The following NDE1 variants were observed in gnomAD, a reference collection of about 807,000 sequenced individuals.
NDE1 encodes nuclear distribution protein nudE homolog 1.
Under a neutral mutation model 43.4 loss-of-function variants are expected in NDE1, and 28 were observed. The observed-to-expected ratio is 0.65, with a 90% CI of 0.48 to 0.89. The LOEUF is 0.89. Ranked by LOEUF, NDE1 falls within the 40% of genes least tolerant of loss-of-function variation. The probability of loss-of-function intolerance (pLI) is 0.00; values close to 1 mark genes in which losing one functional copy is unlikely to be tolerated. For synonymous variants in NDE1, 184 were observed against 172.0 expected, an observed-to-expected ratio of 1.07 and a Z score of -0.55; for missense variants, 441 against 434.1, an observed-to-expected ratio of 1.02 and a Z score of -0.14.
chr16:15,709,523 C>T (rs1235983919), intron 8 of NDE1, among the ~76,000 whole-genome samples: 3 of 152,100 alleles, frequency 2.0e-5, no homozygotes, highest in Admixed American at 6.6e-5. Context: ...CCATGTTGGC[C>T]ATGCTGGTCT....
intron 6 of NDE1, among the ~76,000 whole-genome samples, chr16:15,693,871 C>T (rs746794767): frequency 3.9e-5 from 6 of 152,070 alleles, no homozygotes; most frequent in African/African-American, 7.2e-5. Context: ...ACCTGGGAGG[C>T]GGAGGTTGCA....
chr16:15,680,776 G>A (rs1438469661), intron 4 of NDE1, among the ~76,000 whole-genome samples: 3 of 152,084 alleles, frequency 2.0e-5, no homozygotes, highest in African/African-American at 7.2e-5. Flanking sequence ...CTGACCTCAA[G>A]TGATCCACCT....
intron 4 of NDE1, chr16:15,686,648 G>A (rs1309999623): frequency 1.6e-5 from 10 of 616,058 alleles, no homozygotes; most frequent in Non-Finnish European, 2.0e-5. Flanking sequence ...ACTGCACTTC[G>A]GCCTGAGAGA....
intron 3 of NDE1, among the ~76,000 whole-genome samples, chr16:15,671,683 T>C (rs1269877833): frequency 1.3e-5 from 2 of 151,966 alleles, no homozygotes; most frequent in Non-Finnish European, 2.9e-5. Context: ...TTATCGTTCT[T>C]TTTGTTGTTG....
At chr16:15,696,482 C>A (rs2151141198) in intron 7 of NDE1, among the ~76,000 whole-genome samples, 1 of 152,166 alleles carries the variant, frequency 6.6e-6, no homozygotes, top group South Asian at 2.1e-4. Flanking sequence ...TCCCAGAGTG[C>A]TGGGATTATA....
intron 5 of NDE1, among the ~76,000 whole-genome samples, chr16:15,690,925 ATCC>A (rs2038717555): frequency 6.6e-6 from 1 of 152,156 alleles, no homozygotes; most frequent in Non-Finnish European, 1.5e-5. Context: ...CTCATGCCTC[ATCC>A]TCCTGAGTAG....
At chr16:15,701,320 C>T (rs1329789384) in intron 8 of NDE1, 3 of 151,810 alleles carry the variant, frequency 2.0e-5, no homozygotes, top group Non-Finnish European at 2.9e-5. Flanking sequence ...GAGGTGCGTT[C>T]GAGTTTTCAG....
chr16:15,710,989 C>G (rs1284957753), intron 8 of NDE1: 1 of 152,410 alleles, frequency 6.6e-6, no homozygotes, highest in Non-Finnish European at 1.5e-5. Context: ...CAGGAGTCTT[C>G]ACAGTGAGAA....
chr16:15,675,027 G>A (rs1180118403), intron 3 of NDE1, among the ~76,000 whole-genome samples: 1 of 152,128 alleles, frequency 6.6e-6, no homozygotes, highest in Non-Finnish European at 1.5e-5. Flanking sequence ...GACACCTTGG[G>A]CAGAATGATT....
At position 15,711,881 on chromosome 16, in the gene NDE1, C is replaced by T. The variant is rs1437931980; in HGVS notation, c.948-12310C>T. On this transcript the variant is annotated intron_variant, in intron 8 of 8. Transcript: ENST00000396354. ...CTAATTTTTGTGTTTTTAGTAGAGACGGGGTTTCACCATGTTGGTCAGGCT... is the reference window on the plus strand; with the variant it reads ...CTAATTTTTGTGTTTTTAGTAGAGATGGGGTTTCACCATGTTGGTCAGGCT... 5.9e-5 allele frequency among the ~76,000 whole-genome samples: 9 copies of T among 152,156 alleles called. No homozygotes were observed. In the South Asian group the frequency reaches 6.2e-4, roughly 11 times the overall value.
At chr16:15,723,082 A>G (rs556530060) in intron 8 of NDE1, among the ~76,000 whole-genome samples, 1 of 152,318 alleles carries the variant, frequency 6.6e-6, no homozygotes, top group South Asian at 2.1e-4. Context: ...AGTCACTTGT[A>G]AACTAAATCA....
At chr16:15,667,205 C>T in intron 2 of NDE1, 81 bp from the exon 3 acceptor site, 1 of 1,485,122 alleles carries the variant, frequency 6.7e-7, no homozygotes, top group Non-Finnish European at 9.4e-7. Context: ...GAGATTGCAG[C>T]ACTGCATTGC....
At chr16:15,694,047 G>A in intron 6 of NDE1, 118 bp from the exon 7 acceptor site, 1 of 1,204,660 alleles carries the variant, frequency 8.3e-7, no homozygotes, top group Non-Finnish European at 1.2e-6. Context: ...GGTAGCTTTT[G>A]GGATCCGAGG....
intron 8 of NDE1, among the ~76,000 whole-genome samples, chr16:15,712,109 T>G (rs2039834692): frequency 6.6e-6 from 1 of 152,206 alleles, no homozygotes; most frequent in Non-Finnish European, 1.5e-5. Context: ...TGTTGGCAAC[T>G]TCATCATTTT....
intron 8 of NDE1, among the ~76,000 whole-genome samples, chr16:15,711,607 A>G (rs1596684496): frequency 6.6e-6 from 1 of 152,206 alleles, no homozygotes; most frequent in African/African-American, 2.4e-5. Context: ...GGCTCAGCAC[A>G]TGGCTGTGGT....
chr16:15,721,642 A>C, intron 8 of NDE1: 1 of 1,614,052 alleles, frequency 6.2e-7, no homozygotes, highest in Non-Finnish European at 8.5e-7. Context: ...CAACTACAAC[A>C]CAAGACCCAG....
intron 8 of NDE1, chr16:15,715,281 A>G: frequency 6.2e-7 from 1 of 1,613,990 alleles, no homozygotes; most frequent in Non-Finnish European, 8.5e-7. Context: ...CTCTGCAAAC[A>G]GCAAGGAAAA....
intron 1 of NDE1, among the ~76,000 whole-genome samples, chr16:15,656,795 C>G (rs1275030312): frequency 6.6e-6 from 1 of 152,078 alleles, no homozygotes; most frequent in East Asian, 1.9e-4. Context: ...CCCGCTGTGG[C>G]CTCCCAAAGT....
intron 3 of NDE1, among the ~76,000 whole-genome samples, chr16:15,669,102 G>A (rs369651092): frequency 6.6e-6 from 1 of 151,402 alleles, no homozygotes; most frequent in South Asian, 2.1e-4. Context: ...GGGTTTCACC[G>A]TGTTAGCTAG....
Sources: gnomAD v4.1 joint callset for allele counts (sites outside exome capture counted in the v4.1 genomes callset) on GRCh38, gnomAD v4.1.1 for gene constraint, MANE v1.5 for transcripts, NCBI Gene and HGNC (gene_info 2026-07-23, HGNC 2026-07-21) for gene names.